Variants in NCSTN observed in about 807,000 individuals in gnomAD.
NCSTN encodes anterior pharynx-defective 2.
A neutral mutation model predicts 87.0 loss-of-function variants in NCSTN; 22 were observed. The observed-to-expected ratio is 0.25, with a 90% CI of 0.18 to 0.36. The LOEUF (loss-of-function observed/expected upper bound fraction) is 0.36, where lower values mean the gene tolerates loss of function less well. NCSTN is among the 10% of genes least tolerant of loss of function. NCSTN has a pLI of 1.00. For synonymous variants in NCSTN, 306 were observed against 327.1 expected, an observed-to-expected ratio of 0.94 and a Z score of 0.69; for missense variants, 693 against 883.3, an observed-to-expected ratio of 0.78 and a Z score of 2.73.
In NCSTN at chr1:160,352,963, A is replaced by G. The variant is rs768005164; in HGVS notation, c.1073A>G (p.Asn358Ser). 11 of 1,614,046 alleles carry G rather than the reference A, an allele frequency of 6.8e-6. No individual in the cohort carries two copies. The highest frequency in any genetic ancestry group is 9.3e-6 in the Non-Finnish European group (11 of 1,180,008). Reference sequence around the variant, plus strand: ...GGCAAGTTTCCCGTGCAGTTAGAGAATGTTGACTCATTTGTGGAGCTGGGA... The same window carrying G: ...GGCAAGTTTCCCGTGCAGTTAGAGAGTGTTGACTCATTTGTGGAGCTGGGA... ...EKGKFPVQLENVDSFVELGQV... is the reference protein window; with the variant it reads ...EKGKFPVQLESVDSFVELGQV... Residue 358 changes from asparagine to serine, a missense_variant, in exon 9 of 17, where the codon AAT becomes AGT. By Grantham distance (46) the Asn-to-Ser change is conservative. Transcript: ENST00000294785.
chr1:160,354,025 G>C, intron 10 of NCSTN, 93 bp from the exon 11 acceptor site: 1 of 1,345,578 alleles, frequency 7.4e-7, no homozygotes, highest in Non-Finnish European at 1.1e-6. Context: ...CCCAAGCAGG[G>C]AACTTGAAGT....
intron 5 of NCSTN, among the ~76,000 whole-genome samples, 157 bp from the exon 6 acceptor site, chr1:160,351,065 T>G (rs1648809852): frequency 6.6e-6 from 1 of 152,176 alleles, no homozygotes; most frequent in South Asian, 2.1e-4. Flanking sequence ...TTATAGATCC[T>G]ATGGTGGTTC....
chr1:160,347,575 A>G (rs1029248985), intron 2 of NCSTN, among the ~76,000 whole-genome samples: 8 of 152,082 alleles, frequency 5.3e-5, no homozygotes, highest in African/African-American at 1.7e-4. Context: ...CCAGTATCAT[A>G]GTTTGTCTTC....
chr1:160,344,861 A>G, intron 2 of NCSTN, 35 bp downstream of exon 2: 1 of 1,550,528 alleles, frequency 6.4e-7, no homozygotes, highest in Non-Finnish European at 8.9e-7. Context: ...GTGGACATTG[A>G]TATTTGTCTG....
At chr1:160,348,944 A>T (rs1463473914) in intron 2 of NCSTN, 55 bp from the exon 3 acceptor site, 1 of 1,612,932 alleles carries the variant, frequency 6.2e-7, no homozygotes, top group Non-Finnish European at 8.5e-7. Flanking sequence ...TCAGTGAGGC[A>T]AAGTCAGAAT....
At position 160,352,213 on chromosome 1, in the gene NCSTN, G is replaced by C; in HGVS notation, c.996+7G>C. On this transcript the variant is annotated splice_region_variant and intron_variant, in intron 8 of 16. Coordinates refer to ENST00000294785, the MANE Select transcript of NCSTN (RefSeq NM_015331.3). ...GTTTGTCTTCTTTCAAGGGGTAAGG[G>C]CTCTTTGGCTGGGGTGCAATGGCAG... 1 of 1,614,008 alleles carries C rather than the reference G, an allele frequency of 6.2e-7. No homozygotes were observed. Among genetic ancestry groups the C allele is most frequent in the Non-Finnish European group, 8.5e-7 (1 of 1,179,900 alleles).
At position 160,352,937 on chromosome 1, in the gene NCSTN, G is replaced by A. The variant is rs776312705; in HGVS notation, c.1047G>A (p.Lys349=). 3 of 1,614,048 alleles carry A rather than the reference G, an allele frequency of 1.9e-6. No individual in the cohort carries two copies. Among genetic ancestry groups the A allele is most frequent in the Non-Finnish European group, 2.5e-6 (3 of 1,180,032 alleles). ...CGAGGATGGTCTACGATATGGAGAA[G>A]GGCAAGTTTCCCGTGCAGTTAGAGA... ...GSSRMVYDME[K]GKFPVQLENV... is the part of the protein sequence containing the mutation. Residue 349 remains lysine (K), a synonymous_variant, in exon 9 of 17, where the codon AAG becomes AAA. Transcript: ENST00000294785.
chr1:160,346,864 C>G (rs755121170), intron 2 of NCSTN, among the ~76,000 whole-genome samples: 4 of 152,142 alleles, frequency 2.6e-5, no homozygotes, highest in Non-Finnish European at 4.4e-5. Context: ...CTTGGCCTCC[C>G]AAAGTGCTGG....
chr1:160,355,151 T>C (rs535149647), intron 11 of NCSTN, among the ~76,000 whole-genome samples: 4 of 152,330 alleles, frequency 2.6e-5, no homozygotes, highest in African/African-American at 9.6e-5. Flanking sequence ...AGCCTCTCTT[T>C]TAAGATCTAT....
chr1:160,345,781 A>C (rs1457945958), intron 2 of NCSTN, among the ~76,000 whole-genome samples: 1 of 151,488 alleles, frequency 6.6e-6, no homozygotes, highest in Non-Finnish European at 1.5e-5. Flanking sequence ...TACTAAAAAT[A>C]CAAAAATTAG....
intron 11 of NCSTN, 78 bp from the exon 12 acceptor site, chr1:160,355,577 C>A: frequency 2.0e-6 from 2 of 1,012,838 alleles, no homozygotes; most frequent in Non-Finnish European, 3.1e-6. Flanking sequence ...TGAGTCCCTG[C>A]ATAAGGAGCA....
intron 10 of NCSTN, chr1:160,353,681 T>A (rs1648989440): frequency 1.0e-6 from 1 of 985,208 alleles, no homozygotes; most frequent in South Asian, 4.7e-5. Flanking sequence ...TTCCAGGTGG[T>A]CCTCTTTCTG....
chr1:160,350,037 C>T (rs188894856), intron 4 of NCSTN, 68 bp from the exon 5 acceptor site: 29 of 1,557,576 alleles, frequency 1.9e-5, no homozygotes, highest in Admixed American at 1.0e-4. Context: ...ATTCTTCTGC[C>T]GTCACCTGGT....
chr1:160,356,323 A>T lies in NCSTN; in HGVS notation c.1615A>T (p.Arg539Trp). Residue 539 changes from arginine (R) to tryptophan (W), a missense_variant, in exon 14 of 17, where the codon AGG becomes TGG. By Grantham distance (101) the Arg-to-Trp change is moderately radical. Transcript: ENST00000294785. ...ANNSWFQSIL[R>W]QDLRSYLGDG... Reference sequence around the variant, plus strand: ...CAACTCATGGTTCCAGTCTATCCTCAGGCAGGACCTAAGGTCCTACTTGGG... The same window carrying T: ...CAACTCATGGTTCCAGTCTATCCTCTGGCAGGACCTAAGGTCCTACTTGGG... 4 of 1,613,282 alleles carry T rather than the reference A, an allele frequency of 2.5e-6. No individual in the cohort carries two copies. Among genetic ancestry groups the T allele is most frequent in the Non-Finnish European group, 3.4e-6 (4 of 1,179,194 alleles).
In NCSTN at chr1:160,349,573, G is replaced by A. The variant is rs1380192569; in HGVS notation, c.339G>A (p.Gly113=). ...GGGATTTAATGGAGAAGCTGAAAGG[G>A]AGAACCAGCCGAATTGCTGGTCTTG... The part of the protein sequence containing the change: ...FTRDLMEKLK[G]RTSRIAGLAV... The change falls in exon 4 of 17, where the codon GGG becomes GGA. Residue 113 remains glycine, a synonymous_variant. Coordinates refer to ENST00000294785, the MANE Select transcript of NCSTN (RefSeq NM_015331.3). The A allele has an allele frequency of 1.2e-6, 2 of 1,614,122 alleles. No individual in the cohort carries two copies. The highest frequency in any genetic ancestry group is 1.7e-6 in the Non-Finnish European group (2 of 1,180,020).
intron 16 of NCSTN, among the ~76,000 whole-genome samples, 169 bp from the exon 17 acceptor site, chr1:160,357,980 G>A (rs897009987): frequency 6.6e-6 from 1 of 152,164 alleles, no homozygotes; most frequent in African/African-American, 2.4e-5. Flanking sequence ...TTTTCAAATG[G>A]GGAGACAAAG....
chr1:160,349,267 T>C, intron 3 of NCSTN, 145 bp downstream of exon 3: 2 of 1,191,980 alleles, frequency 1.7e-6, no homozygotes, highest in Non-Finnish European at 2.4e-6. Context: ...AGGAAAGGTG[T>C]ACCATCAAAA....
In NCSTN at chr1:160,349,584, G is replaced by A. The variant is rs200872648; in HGVS notation, c.350G>A (p.Arg117Gln). The change falls in exon 4 of 17, where the codon CGA (arginine) becomes CAA (glutamine). Residue 117 changes from arginine (R) to glutamine (Q), a missense_variant. Transcript: ENST00000294785. ...LMEKLKGRTSRIAGLAVSLTK... is the reference protein window; with the variant it reads ...LMEKLKGRTSQIAGLAVSLTK... ...GAGAAGCTGAAAGGGAGAACCAGCC[G>A]AATTGCTGGTCTTGCAGTGTCCTTG... is the stretch of plus-strand genomic sequence containing the variant. 94 of 1,613,982 alleles carry A rather than the reference G, an allele frequency of 5.8e-5. No homozygotes were observed. Among genetic ancestry groups the A allele is most frequent in the Admixed American group, 3.2e-4 (19 of 59,998 alleles).
intron 12 of NCSTN, 28 bp downstream of exon 12, chr1:160,355,785 C>G (rs771423408): frequency 6.2e-7 from 1 of 1,605,360 alleles, no homozygotes; most frequent in Non-Finnish European, 8.5e-7. Context: ...TGGGTGGGAG[C>G]CTGGGGCACA....
Sources: gnomAD v4.1 joint callset for allele counts (sites outside exome capture counted in the v4.1 genomes callset) on GRCh38, gnomAD v4.1.1 for gene constraint, MANE v1.5 for transcripts, NCBI Gene and HGNC (gene_info 2026-07-23, HGNC 2026-07-21) for gene names.